PLA2G6: variants seen among roughly 807,000 people sequenced by gnomAD.
PLA2G6 encodes 85/88 kDa calcium-independent phospholipase A2.
In PLA2G6, 62 loss-of-function variants were observed where a neutral mutation model predicts 83.8. That is an observed-to-expected ratio of 0.74 (90% confidence interval 0.60 to 0.91). PLA2G6 has a LOEUF of 0.91. Ranked by LOEUF, PLA2G6 falls within the 40% of genes least tolerant of loss-of-function variation. The probability of loss-of-function intolerance (pLI) is 0.00; values close to 1 mark genes in which losing one functional copy is unlikely to be tolerated. For missense variants in PLA2G6, 944 were observed against 1,102.0 expected (o/e 0.86, Z 2.03); for synonymous variants, 417 against 449.8 (o/e 0.93, Z 0.92).
chr22:38,160,781 C>G (rs2089978613), intron 2 of PLA2G6, among the ~76,000 whole-genome samples: 1 of 152,002 alleles, frequency 6.6e-6, no homozygotes, highest in African/African-American at 2.4e-5. Flanking sequence ...GGAGGCAGAG[C>G]TTGCAGTAAG....
At chr22:38,165,753 G>A (rs988543101) in intron 2 of PLA2G6, among the ~76,000 whole-genome samples, 3 of 152,192 alleles carry the variant, frequency 2.0e-5, no homozygotes, top group African/African-American at 7.2e-5. Flanking sequence ...GGTGGCGGGC[G>A]CCTGTAGTCC....
intron 5 of PLA2G6, 180 bp downstream of exon 5, chr22:38,139,802 A>T (rs1342135868): frequency 1.6e-6 from 1 of 606,468 alleles, no homozygotes; most frequent in Non-Finnish European, 2.9e-6. Flanking sequence ...CCATGATACA[A>T]TGATGGAGCA....
At position 38,128,199 on chromosome 22, in the gene PLA2G6, G is replaced by T; in HGVS notation, c.1348+70C>A. 1 of 1,499,920 alleles carries T rather than the reference G, an allele frequency of 6.7e-7. No homozygotes were observed. The highest frequency in any genetic ancestry group is 9.3e-7 in the Non-Finnish European group (1 of 1,078,526). 92.9% of individuals were successfully genotyped at this position (1,499,920 alleles called of 1,614,324 possible). A position where few individuals can be genotyped will look rare whatever the true frequency, so the allele number is the denominator to read the frequency against. On this transcript the variant is annotated intron_variant, in intron 9 of 16. Transcript: ENST00000332509. This position sits in a 1 kb window ranked among gnomAD's most constrained non-coding sequence, Gnocchi z 4.4. ...TCCGTCCTAGGGATCCTGTTGCTTT[G>T]GTGGGGCCTGCTGTGATCCAGGGGC...
rs769000561 is a variant in PLA2G6 at position 38,132,887 on chromosome 22, C to T, written c.1021G>A (p.Ala341Thr). The change falls in exon 7 of 17, where the codon GCC (alanine) becomes ACC (threonine). Residue 341 changes from alanine to threonine, a missense_variant. Coordinates refer to ENST00000332509, the MANE Select transcript of PLA2G6 (RefSeq NM_003560.4). The surrounding 1 kb of genome is among the most constrained non-coding windows in gnomAD (Gnocchi z 5.0). ...TGCTCTCCGCGGGCATCCGCGTTGG[C>T]CCCGTGGGTCAGCAGCACTATGGCA... The part of the protein sequence containing the change: ...DCAIVLLTHG[A>T]NADARGEHGN... The T allele has an allele frequency of 3.9e-6, 6 of 1,554,302 alleles. No homozygotes were observed. Among genetic ancestry groups the T allele is most frequent in the Non-Finnish European group, 5.2e-6 (6 of 1,149,790 alleles).
intron 1 of PLA2G6, among the ~76,000 whole-genome samples, chr22:38,177,762 C>T (rs1324460057): frequency 6.6e-6 from 1 of 152,158 alleles, no homozygotes; most frequent in East Asian, 1.9e-4. Context: ...CTGCGCCCGG[C>T]CGAATTGCCA....
At chr22:38,113,338 T>C in intron 15 of PLA2G6, 149 bp downstream of exon 15, 1 of 804,084 alleles carries the variant, frequency 1.2e-6, no homozygotes, top group Non-Finnish European at 2.1e-6. Context: ...CTCTGAACTG[T>C]GGACTCTCTC....
intron 9 of PLA2G6, chr22:38,127,383 G>A (rs1397560028): frequency 5.3e-6 from 7 of 1,312,890 alleles, no homozygotes; most frequent in African/African-American, 3.0e-5. Context: ...AGGCTCGGTG[G>A]CCTCTCCAGG....
At chr22:38,173,465 A>C (rs1201027159) in intron 1 of PLA2G6, among the ~76,000 whole-genome samples, 1 of 152,048 alleles carries the variant, frequency 6.6e-6, no homozygotes, top group East Asian at 1.9e-4. Flanking sequence ...GGGGGTTGAC[A>C]GTGACAATTC....
At chr22:38,124,134 C>CTTATTTAT (rs11570725) in intron 10 of PLA2G6, among the ~76,000 whole-genome samples, 7 of 151,972 alleles carry the variant, frequency 4.6e-5, no homozygotes, top group South Asian at 2.1e-4. Flanking sequence ...CGTGCCCAGC[C>CTTATTTAT]TTATTTATTT....
intron 2 of PLA2G6, among the ~76,000 whole-genome samples, chr22:38,160,079 T>C (rs577186081): frequency 2.0e-5 from 3 of 152,328 alleles, no homozygotes; most frequent in East Asian, 1.9e-4. Context: ...GTCAAGAGAA[T>C]TGAGCTGATA....
At chr22:38,143,612 C>G in intron 3 of PLA2G6, 1 of 451,762 alleles carries the variant, frequency 2.2e-6, no homozygotes, top group Non-Finnish European at 4.1e-6. Context: ...ATTCACTTAA[C>G]CTTTCTGGGC....
At chr22:38,137,022 GCCA>G (rs1342374715) in intron 5 of PLA2G6, 1 of 152,416 alleles carries the variant, frequency 6.6e-6, no homozygotes, top group Non-Finnish European at 1.5e-5. Flanking sequence ...AGAGGCATGA[GCCA>G]CCACACTTGG....
chr22:38,130,116 A>T, intron 7 of PLA2G6: 1 of 220,916 alleles, frequency 4.5e-6, no homozygotes. Context: ...ATGGTTTCAG[A>T]GGACACACTG....
intron 2 of PLA2G6, among the ~76,000 whole-genome samples, chr22:38,168,558 G>T (rs11570615): frequency 3.3e-5 from 5 of 152,170 alleles, no homozygotes; most frequent in Admixed American, 3.3e-4. Flanking sequence ...CCCTTAAAGA[G>T]CCAGGGCTAG....
chr22:38,148,859 CT>C (rs200966258), intron 2 of PLA2G6: 5,925 of 150,494 alleles, frequency 0.039, 83 homozygotes, highest in African/African-American at 0.15. Flanking sequence ...TAGATTATTT[CT>C]TTTTTTTTTT....
In PLA2G6 at chr22:38,134,636, A is replaced by C. The variant is rs148457671; in HGVS notation, c.894+352T>G. The C allele has an allele frequency of 7.7e-3, 2,265 of 293,146 alleles. 25 individuals carry two copies. The highest frequency in any genetic ancestry group is 0.011 in the Non-Finnish European group (1,734 of 152,308). The allele number at this position is 293,146 out of a possible 1,614,324, so 18.2% of individuals were successfully genotyped here. The stretch of plus-strand genomic sequence containing the variant: ...TCTCCTGTTAGTTCTGGCCCTCTAG[A>C]GAATCCTGACTAATAATACAATCAT... On this transcript the variant is annotated intron_variant, in intron 6 of 16. Transcript: ENST00000332509.
At chr22:38,152,454 G>A (rs147367926) in intron 2 of PLA2G6, among the ~76,000 whole-genome samples, 2,182 of 151,654 alleles carry the variant, frequency 0.014, 33 homozygotes, top group Middle Eastern at 0.031. Context: ...TGATCCACTC[G>A]CCTTGGCCAC....
rs578097300 is a variant in PLA2G6 at position 38,126,890 on chromosome 22, C to T, written c.1349-441G>A. On this transcript the variant is annotated intron_variant, in intron 9 of 16. Coordinates refer to ENST00000332509, the MANE Select transcript of PLA2G6 (RefSeq NM_003560.4). ...GCTCTAAGAGGGTCCATAATTCACC[C>T]AAGGTCATTTAGTCAAAAGGCTGAG... 22 of 541,272 alleles carry T rather than the reference C, an allele frequency of 4.1e-5. No homozygotes were observed. In the East Asian group the frequency reaches 6.2e-4, roughly 15 times the overall value. The allele number at this position is 541,272 out of a possible 1,614,324, so 33.5% of individuals were successfully genotyped here.
At chr22:38,160,726 T>A (rs1245058746) in intron 2 of PLA2G6, among the ~76,000 whole-genome samples, 2 of 151,998 alleles carry the variant, frequency 1.3e-5, no homozygotes, top group African/African-American at 4.8e-5. Flanking sequence ...GCACCTGTAG[T>A]CCCAGCTACT....
Sources: gnomAD v4.1 joint callset for allele counts (sites outside exome capture counted in the v4.1 genomes callset) on GRCh38, gnomAD v4.1.1 for gene constraint, Gnocchi (gnomAD v3.1) non-coding constraint, MANE v1.5 for transcripts, NCBI Gene and HGNC (gene_info 2026-07-23, HGNC 2026-07-21) for gene names.